FOXN3: variants seen among roughly 807,000 people sequenced by gnomAD.
FOXN3 encodes the protein forkhead box N3.
In FOXN3, 7 loss-of-function variants were observed where a neutral mutation model predicts 38.4. That is an observed-to-expected ratio of 0.18 (90% CI 0.10 to 0.34). FOXN3 has a LOEUF of 0.34. Among genes scored for constraint, FOXN3 ranks in the 10% least tolerant of loss-of-function variants. The pLI is 1.00. For synonymous variants in FOXN3, 230 were observed against 242.2 expected, an observed-to-expected ratio of 0.95 and a Z score of 0.47; for missense variants, 456 against 613.4, an observed-to-expected ratio of 0.74 and a Z score of 2.71.
intron 2 of FOXN3, among the ~76,000 whole-genome samples, chr14:89,404,668 C>G (rs1891342677): frequency 1.3e-5 from 2 of 152,032 alleles, no homozygotes; most frequent in South Asian, 4.1e-4. Flanking sequence ...TCTCAACCTT[C>G]TGAGGTGACA....
intron 1 of FOXN3, among the ~76,000 whole-genome samples, chr14:89,618,358 C>T (rs1896531773): frequency 1.3e-5 from 2 of 152,210 alleles, no homozygotes; most frequent in African/African-American, 4.8e-5. Context: ...GAAAAATAGT[C>T]TCTTCAGCCT....
At chr14:89,202,307 G>A (rs962534493) in intron 4 of FOXN3, among the ~76,000 whole-genome samples, 4 of 152,224 alleles carry the variant, frequency 2.6e-5, no homozygotes, top group Non-Finnish European at 5.9e-5. Flanking sequence ...GACACAGGAC[G>A]TAGTCTGAGA....
chr14:89,292,513 G>T (rs1374988370), intron 3 of FOXN3, among the ~76,000 whole-genome samples: 1 of 152,214 alleles, frequency 6.6e-6, no homozygotes, highest in Admixed American at 6.5e-5. Context: ...CCTTTAAAAG[G>T]TGATTAGGCC....
chr14:89,462,742 T>C (rs1438923509), intron 1 of FOXN3, among the ~76,000 whole-genome samples: 1 of 151,334 alleles, frequency 6.6e-6, no homozygotes, highest in Non-Finnish European at 1.5e-5. Context: ...TTGAGTGCAG[T>C]GGCACGATCT....
At chr14:89,464,677 A>G (rs1412122657) in intron 1 of FOXN3, among the ~76,000 whole-genome samples, 1 of 152,054 alleles carries the variant, frequency 6.6e-6, no homozygotes, top group Non-Finnish European at 1.5e-5. Flanking sequence ...AGTTACCCCC[A>G]TGCTGCTTTT....
chr14:89,565,831 C>T (rs1895336726), intron 1 of FOXN3, among the ~76,000 whole-genome samples: 1 of 152,204 alleles, frequency 6.6e-6, no homozygotes, highest in Non-Finnish European at 1.5e-5. Flanking sequence ...CCTCATGCCA[C>T]AGCAACTTAA....
intron 1 of FOXN3, among the ~76,000 whole-genome samples, chr14:89,581,610 G>A (rs1895741345): frequency 6.6e-6 from 1 of 152,144 alleles, no homozygotes; most frequent in African/African-American, 2.4e-5. Flanking sequence ...AAAACCAAGT[G>A]GGACCACAGG....
At chr14:89,296,362 C>T (rs1319355785) in intron 3 of FOXN3, among the ~76,000 whole-genome samples, 1 of 152,188 alleles carries the variant, frequency 6.6e-6, no homozygotes, top group African/African-American at 2.4e-5. Context: ...TTGTAAAACA[C>T]CCACATTTAC....
At chr14:89,197,322 C>T (rs1888122602) in intron 4 of FOXN3, among the ~76,000 whole-genome samples, 1 of 152,204 alleles carries the variant, frequency 6.6e-6, no homozygotes, top group South Asian at 2.1e-4. Context: ...GCCTGGCCAA[C>T]ATGGTGAAAC....
At chr14:89,317,477 T>C (rs1048174839) in intron 3 of FOXN3, among the ~76,000 whole-genome samples, 2 of 152,272 alleles carry the variant, frequency 1.3e-5, no homozygotes, top group South Asian at 2.1e-4. Flanking sequence ...TAGACAGTCA[T>C]TGTACTTCTG....
intron 3 of FOXN3, among the ~76,000 whole-genome samples, chr14:89,311,197 T>G (rs1158239094): frequency 1.5e-5 from 2 of 135,288 alleles, no homozygotes; most frequent in Non-Finnish European, 3.2e-5. Context: ...TTTTAAAAAA[T>G]AAGGTGTATC....
chr14:89,516,957 G>C (rs1190457105), intron 1 of FOXN3, among the ~76,000 whole-genome samples: 2 of 152,108 alleles, frequency 1.3e-5, no homozygotes, highest in Non-Finnish European at 2.9e-5. Context: ...TCCTTGACCT[G>C]TCTGTCCAGA....
At chr14:89,362,554 ACCT>A (rs1328420310) in intron 2 of FOXN3, among the ~76,000 whole-genome samples, 17 of 600 alleles carry the variant, frequency 0.028, 8 homozygotes, top group African/African-American at 0.035. Flanking sequence ...CTCCACCACC[ACCT>A]CCACCACCAC....
intron 4 of FOXN3, among the ~76,000 whole-genome samples, chr14:89,253,413 T>G (rs1286276552): frequency 6.6e-6 from 1 of 152,118 alleles, no homozygotes; most frequent in African/African-American, 2.4e-5. Context: ...CACCACTCCG[T>G]GAGGCGTGAT....
Position 89,287,749 on chromosome 14 carries a change from TAAAAAA to T in FOXN3, c.681-6741_681-6736del, listed in dbSNP as rs58930677. On this transcript the variant is annotated intron_variant, in intron 3 of 5. Coordinates refer to ENST00000557258, the MANE Select transcript of FOXN3 (RefSeq NM_005197.4). ...AGATGTCACTTACTCTAAAGAATGC[TAAAAAA>T]AAAAAAAAAAAAAAAAAGTAACTGT... is the stretch of plus-strand genomic sequence containing the variant. Among the ~76,000 whole-genome samples, 248 of 129,660 alleles carry T rather than the reference TAAAAAA, an allele frequency of 1.9e-3. 1 individual carries two copies. The highest frequency in any genetic ancestry group is 4.5e-3 in the Middle Eastern group (1 of 222). 85.1% of individuals were successfully genotyped at this position (129,660 alleles called of 152,430 possible).
upstream of FOXN3, among the ~76,000 whole-genome samples, chr14:89,421,527 A>AAG (rs529830544): frequency 5.5e-3 from 187 of 34,076 alleles, 5 homozygotes; most frequent in African/African-American, 1.0e-2. Flanking sequence ...CACCCAGGGA[A>AAG]ATTTTTTTTT....
In FOXN3 at chr14:89,400,793, C is replaced by T. The variant is rs542092385; in HGVS notation, c.543+11141G>A. On this transcript the variant is annotated intron_variant, in intron 2 of 5. Coordinates refer to ENST00000557258, the MANE Select transcript of FOXN3 (RefSeq NM_005197.4). The stretch of plus-strand genomic sequence containing the variant: ...TGCATCCCTCTTGCCATTCAAGGCA[C>T]GGCCTAGTCAGATCCTCTGAGAAGC... Among the ~76,000 whole-genome samples the T allele has an allele frequency of 1.8e-4, 27 of 152,344 alleles. No individual in the cohort carries two copies. In the South Asian group the frequency reaches 1.9e-3, roughly 11 times the overall value.
chr14:89,383,584 C>A (rs1332378616), intron 2 of FOXN3, among the ~76,000 whole-genome samples: 1 of 152,178 alleles, frequency 6.6e-6, no homozygotes, highest in Admixed American at 6.5e-5. Flanking sequence ...TGGCTTCTGG[C>A]GGCCCCCGGC....
chr14:89,199,374 C>A (rs1167698873), intron 4 of FOXN3, among the ~76,000 whole-genome samples: 12 of 152,266 alleles, frequency 7.9e-5, no homozygotes, highest in African/African-American at 2.6e-4. Context: ...TGTGATTTTA[C>A]GCATCATCTT....
Sources: allele counts gnomAD v4.1 joint callset (sites outside exome capture counted in the v4.1 genomes callset), GRCh38; gene constraint gnomAD v4.1.1; transcripts MANE v1.5; gene names NCBI Gene and HGNC (gene_info 2026-07-23, HGNC 2026-07-21).